USH2A: variants seen among roughly 807,000 people sequenced by gnomAD.
USH2A encodes the protein usherin, also known as Usher syndrome 2A (autosomal recessive, mild).
In USH2A, 443 loss-of-function variants were observed where a neutral mutation model predicts 538.9. The observed-to-expected ratio is 0.82, with a 90% CI of 0.76 to 0.89. The LOEUF is 0.89. USH2A is among the 40% of genes least tolerant of loss of function. The pLI is 0.00. For synonymous variants in USH2A, 2,413 were observed against 2,273.5 expected, an observed-to-expected ratio of 1.06 and a Z score of -1.75; for missense variants, 6,633 against 6,324.8, an observed-to-expected ratio of 1.05 and a Z score of -1.65.
At chr1:215,913,456 G>T (rs1045526379) in intron 38 of USH2A, among the ~76,000 whole-genome samples, 6 of 152,056 alleles carry the variant, frequency 3.9e-5, no homozygotes, top group African/African-American at 1.4e-4. Context: ...CCTGTTATGG[G>T]CCGGAAGCTC....
At chr1:215,952,522 T>C (rs1425019954) in intron 37 of USH2A, among the ~76,000 whole-genome samples, 2 of 152,202 alleles carry the variant, frequency 1.3e-5, no homozygotes, top group Non-Finnish European at 1.5e-5. Flanking sequence ...TGGTACTGGT[T>C]GTTCCTTTCC....
chr1:215,694,423 A>G (rs1658730000), intron 61 of USH2A, among the ~76,000 whole-genome samples: 1 of 152,096 alleles, frequency 6.6e-6, no homozygotes, highest in Non-Finnish European at 1.5e-5. Flanking sequence ...AATACCAAAA[A>G]TTAGACGGGC....
At position 215,838,030 on chromosome 1, in the gene USH2A, C is replaced by A; in HGVS notation, c.9332G>T (p.Ser3111Ile). ...TQITTVEDTP[S>I]DIPTPTIRGI... ...ACGAATTGTGGGTGTTGGTATATCACTTGGAGTGTCTTCCACAGTGGTAAT... is the reference window on the plus strand; with the variant it reads ...ACGAATTGTGGGTGTTGGTATATCAATTGGAGTGTCTTCCACAGTGGTAAT... Residue 3111 changes from serine (S) to isoleucine (I), a missense_variant, in exon 47 of 72, where the codon AGT (serine) becomes ATT (isoleucine). By Grantham distance (142) the Ser-to-Ile change is moderately radical. Coordinates refer to ENST00000307340, the MANE Select transcript of USH2A (RefSeq NM_206933.4). 1 of 1,614,032 alleles carries A rather than the reference C, an allele frequency of 6.2e-7. No homozygotes were observed. Among genetic ancestry groups the A allele is most frequent in the Non-Finnish European group, 8.5e-7 (1 of 1,179,948 alleles).
At chr1:216,131,192 G>T (rs1264632475) in intron 21 of USH2A, among the ~76,000 whole-genome samples, 1 of 151,738 alleles carries the variant, frequency 6.6e-6, no homozygotes, top group Admixed American at 6.6e-5. Context: ...TGACTTTGTT[G>T]TAGGTTCTGG....
intron 44 of USH2A, among the ~76,000 whole-genome samples, chr1:215,863,082 G>A (rs1434234635): frequency 1.3e-5 from 2 of 152,152 alleles, no homozygotes; most frequent in African/African-American, 2.4e-5. Flanking sequence ...GGTGAGAAGA[G>A]GGGAGTAATG....
chr1:215,710,473 T>G (rs1305618303), intron 61 of USH2A, among the ~76,000 whole-genome samples: 1 of 151,974 alleles, frequency 6.6e-6, no homozygotes, highest in Non-Finnish European at 1.5e-5. Flanking sequence ...CAAAAACTCT[T>G]TCTTATGTAC....
Position 216,044,055 on chromosome 1 carries a change from A to G in USH2A, c.6325+2376T>C, listed in dbSNP as rs74519178. On this transcript the variant is annotated intron_variant, in intron 32 of 71. Transcript: ENST00000307340. ...CTTTTTATTCCATTCCCACTCTGTG[A>G]TAGGTCCAAGAGATGCAGTAATGAA... Among the ~76,000 whole-genome samples the G allele has an allele frequency of 6.2e-4, 94 of 152,098 alleles. No individual in the cohort carries two copies. The East Asian group carries it at 0.016, about 25-fold the overall frequency.
chr1:216,256,321 CT>C lies in USH2A; in HGVS notation c.1972-5224del, dbSNP rs201852377. Among the ~76,000 whole-genome samples the C allele has an allele frequency of 5.5e-3, 692 of 125,418 alleles. 1 individual carries two copies. Among genetic ancestry groups the C allele is most frequent in the African/African-American group, 0.013 (457 of 34,092 alleles). The allele number at this position is 125,418 out of a possible 152,430, so 82.3% of individuals were successfully genotyped here. ...CCATCTGCTTGGGATTTCTTTTTTC[CT>C]TTTTTTTTTTTTTGCCTGTTTTGTG... is the stretch of plus-strand genomic sequence containing the variant. On this transcript the variant is annotated intron_variant, in intron 11 of 71. Coordinates refer to ENST00000307340, the MANE Select transcript of USH2A (RefSeq NM_206933.4).
intron 58 of USH2A, among the ~76,000 whole-genome samples, chr1:215,752,748 G>A (rs1051191436): frequency 6.6e-6 from 1 of 152,160 alleles, no homozygotes; most frequent in Admixed American, 6.6e-5. Flanking sequence ...TGGTGTTTTA[G>A]ACATGAAGTC....
chr1:215,638,127 AATATTAAC>A (rs1254666684), intron 69 of USH2A, among the ~76,000 whole-genome samples: 2 of 152,214 alleles, frequency 1.3e-5, no homozygotes, highest in African/African-American at 4.8e-5. Flanking sequence ...TTGAATCTAG[AATATTAAC>A]ATTATGATCA....
At chr1:216,307,737 T>TGA (rs576573266) in intron 9 of USH2A, among the ~76,000 whole-genome samples, 4 of 152,190 alleles carry the variant, frequency 2.6e-5, no homozygotes, top group Admixed American at 6.5e-5. Flanking sequence ...TCCTGGGGGC[T>TGA]GAGAGAGTCC....
In USH2A at chr1:216,393,115, G is replaced by A. The variant is rs150974038; in HGVS notation, c.651+25399C>T. Among the ~76,000 whole-genome samples the A allele has an allele frequency of 2.7e-3, 412 of 152,276 alleles. 1 individual carries two copies. The highest frequency in any genetic ancestry group is 9.3e-3 in the African/African-American group (387 of 41,564). On this transcript the variant is annotated intron_variant, in intron 3 of 71. Coordinates refer to ENST00000307340, the MANE Select transcript of USH2A (RefSeq NM_206933.4). ...TGCTTACTAGGAAAATGACCATAAA[G>A]GTTCTTTTCAACTTTTCACATGTAT...
chr1:216,067,349 G>A (rs1287540075), intron 30 of USH2A, among the ~76,000 whole-genome samples: 1 of 151,848 alleles, frequency 6.6e-6, no homozygotes, highest in Non-Finnish European at 1.5e-5. Context: ...AAGCCACCCT[G>A]GCACATGTAT....
At chr1:216,355,289 G>C (rs1188991787) in intron 4 of USH2A, among the ~76,000 whole-genome samples, 1 of 124,512 alleles carries the variant, frequency 8.0e-6, no homozygotes, top group African/African-American at 3.3e-5. Context: ...GGTTGACAGA[G>C]TGAAAGACTC....
chr1:216,204,572 T>A (rs1300975179), intron 16 of USH2A, among the ~76,000 whole-genome samples: 1 of 152,156 alleles, frequency 6.6e-6, no homozygotes, highest in Non-Finnish European at 1.5e-5. Context: ...TATAAAGGTC[T>A]CAAACAAACT....
intron 21 of USH2A, chr1:216,174,920 A>C: frequency 8.7e-7 from 1 of 1,146,038 alleles, no homozygotes. Context: ...TTGCAAACTC[A>C]TTTGCTCAGA....
intron 44 of USH2A, 66 bp downstream of exon 44, chr1:215,866,941 A>T (rs972578380): frequency 1.9e-6 from 3 of 1,607,524 alleles, no homozygotes; most frequent in Non-Finnish European, 2.6e-6. Flanking sequence ...GGAGGTTCAT[A>T]GTAAAGAAAG....
intron 3 of USH2A, among the ~76,000 whole-genome samples, chr1:216,390,038 ATGC>A (rs2039078801): frequency 2.0e-5 from 3 of 152,168 alleles, no homozygotes; most frequent in Admixed American, 6.6e-5. Context: ...AAGAGAAAGT[ATGC>A]CAGTAAATGT....
intron 38 of USH2A, among the ~76,000 whole-genome samples, chr1:215,925,373 C>T (rs1666211606): frequency 6.6e-6 from 1 of 152,078 alleles, no homozygotes; most frequent in Admixed American, 6.6e-5. Context: ...TACTTTATTA[C>T]TTTCAATGGG....
Sources: gnomAD v4.1 joint callset for allele counts (sites outside exome capture counted in the v4.1 genomes callset) on GRCh38, gnomAD v4.1.1 for gene constraint, MANE v1.5 for transcripts, NCBI Gene and HGNC (gene_info 2026-07-23, HGNC 2026-07-21) for gene names.